Variants in KANK1 observed in about 807,000 individuals in gnomAD.
KANK1 encodes the protein KN motif and ankyrin repeat domains 1.
Under a neutral mutation model 106.2 loss-of-function variants are expected in KANK1, and 109 were observed. The observed-to-expected ratio is 1.03, with a 90% CI of 0.88 to 1.20. The LOEUF (loss-of-function observed/expected upper bound fraction) is 1.20, where lower values mean the gene tolerates loss of function less well. Ranked by LOEUF, KANK1 falls within the 50% of genes most tolerant of loss-of-function variation. The pLI is 0.00. For synonymous variants in KANK1, 873 were observed against 652.2 expected, an observed-to-expected ratio of 1.34 and a Z score of -5.16; for missense variants, 2,399 against 1,710.7, an observed-to-expected ratio of 1.40 and a Z score of -7.10.
chr9:697,014 C>T (rs1476067195), intron 2 of KANK1, among the ~76,000 whole-genome samples: 2 of 152,236 alleles, frequency 1.3e-5, no homozygotes, highest in Middle Eastern at 3.4e-3. Flanking sequence ...AAAGAGCTCT[C>T]ATGTCTTCCT....
At chr9:695,514 C>G (rs1469523133) in intron 2 of KANK1, among the ~76,000 whole-genome samples, 1 of 152,072 alleles carries the variant, frequency 6.6e-6, no homozygotes, top group African/African-American at 2.4e-5. Context: ...CCTTCATACA[C>G]TCTTAAGAAG....
intron 2 of KANK1, among the ~76,000 whole-genome samples, chr9:706,568 C>CTTT (rs71314729): frequency 0.17 from 23,755 of 137,592 alleles, 2,402 homozygotes; most frequent in Non-Finnish European, 0.23. Flanking sequence ...CTGTATGTGG[C>CTTT]TTTTTTTTTT....
At chr9:599,821 T>C (rs1174313958) in intron 1 of KANK1, among the ~76,000 whole-genome samples, 1 of 151,900 alleles carries the variant, frequency 6.6e-6, no homozygotes, top group Non-Finnish European at 1.5e-5. Flanking sequence ...ATTTGGGTAT[T>C]TGCAGGCAGT....
chr9:630,988 A>G (rs1226943912), intron 1 of KANK1, among the ~76,000 whole-genome samples: 1 of 152,140 alleles, frequency 6.6e-6, no homozygotes, highest in Non-Finnish European at 1.5e-5. Context: ...TGCTTAGTCA[A>G]TATCTGGTTG....
At chr9:738,180 G>A (rs571711771) in intron 7 of KANK1, 105 bp from the exon 8 acceptor site, 13 of 895,166 alleles carry the variant, frequency 1.5e-5, no homozygotes, top group East Asian at 1.1e-4. Context: ...GATTCTAACT[G>A]CATATATATA....
intron 3 of KANK1, among the ~76,000 whole-genome samples, chr9:720,399 C>T (rs1188121305): frequency 7.9e-5 from 12 of 152,212 alleles, no homozygotes. Flanking sequence ...GGCTGGAGTG[C>T]AGTGGTGCAA....
intron 1 of KANK1, among the ~76,000 whole-genome samples, chr9:633,332 C>T (rs1291722518): frequency 6.6e-6 from 1 of 152,032 alleles, no homozygotes; most frequent in Non-Finnish European, 1.5e-5. Flanking sequence ...GTGGCGGGCG[C>T]CTGTAGTCCC....
intron 6 of KANK1, chr9:734,463 C>G (rs1298155714): frequency 5.3e-5 from 15 of 284,048 alleles, no homozygotes; most frequent in South Asian, 4.9e-4. Flanking sequence ...GTCAGGAGTT[C>G]AAAACCAGCC....
chr9:587,342 T>G (rs778527243), intron 1 of KANK1, among the ~76,000 whole-genome samples: 1 of 152,158 alleles, frequency 6.6e-6, no homozygotes, highest in Non-Finnish European at 1.5e-5. Context: ...CTCTGAAGAA[T>G]AAAAGTGAAT....
At chr9:727,322 ATT>A (rs113811286) in intron 3 of KANK1, among the ~76,000 whole-genome samples, 22 of 147,838 alleles carry the variant, frequency 1.5e-4, no homozygotes, top group African/African-American at 4.0e-4. Flanking sequence ...ATCCAAGGAA[ATT>A]TTTTTTTTTT....
intron 1 of KANK1, among the ~76,000 whole-genome samples, chr9:611,259 A>G (rs1181537435): frequency 6.6e-6 from 1 of 152,212 alleles, no homozygotes; most frequent in African/African-American, 2.4e-5. Flanking sequence ...AGAATCTTTT[A>G]GTAAGTCACA....
chr9:572,714 A>AG (rs1001986418), intron 1 of KANK1, among the ~76,000 whole-genome samples: 6 of 152,140 alleles, frequency 3.9e-5, no homozygotes, highest in African/African-American at 1.4e-4. Flanking sequence ...GCTTTTTTGA[A>AG]GGACATGTGT....
chr9:598,153 C>T lies in KANK1; in HGVS notation c.-83-78737C>T, dbSNP rs1281290595. Among the ~76,000 whole-genome samples, 7 of 151,718 alleles carry T rather than the reference C, an allele frequency of 4.6e-5. No homozygotes were observed. The South Asian group carries it at 8.3e-4, about 18-fold the overall frequency. On this transcript the variant is annotated intron_variant, in intron 1 of 11. Coordinates refer to ENST00000382297, the MANE Select transcript of KANK1 (RefSeq NM_015158.5). ...TCCCCATTTGAATGGTCTTTGTACCCTTGTTAAAAATCTATTGGCCATATA... is the reference window on the plus strand; with the variant it reads ...TCCCCATTTGAATGGTCTTTGTACCTTTGTTAAAAATCTATTGGCCATATA...
chr9:711,015 A>G lies in KANK1; in HGVS notation c.249A>G (p.Gln83=). 1.9e-6 allele frequency: 3 copies of G among 1,614,220 alleles called. No individual in the cohort carries two copies. Among genetic ancestry groups the G allele is most frequent in the South Asian group, 1.1e-5 (1 of 91,086 alleles). The change falls in exon 3 of 12, where the codon CAA becomes CAG. Residue 83 remains glutamine, a synonymous_variant. Coordinates refer to ENST00000382297, the MANE Select transcript of KANK1 (RefSeq NM_015158.5). ...AACCCAGGACCACATCTGGTCAGCAAGGTATATGGACTTCCACTGAATCCC... is the reference window on the plus strand; with the variant it reads ...AACCCAGGACCACATCTGGTCAGCAGGGTATATGGACTTCCACTGAATCCC... ...CPEPRTTSGQ[Q]GIWTSTESLS... is the part of the protein sequence containing the mutation.
chr9:671,163 C>A (rs186864637), intron 1 of KANK1, among the ~76,000 whole-genome samples: 2 of 151,484 alleles, frequency 1.3e-5, no homozygotes, highest in South Asian at 2.1e-4. Context: ...CAGTATCCTG[C>A]CTTAGTTTTT....
At chr9:740,984 C>G in intron 9 of KANK1, 50 bp downstream of exon 9, 1 of 1,602,586 alleles carries the variant, frequency 6.2e-7, no homozygotes. Flanking sequence ...AACCAGCAGA[C>G]AGGACTGCGG....
chr9:571,563 A>AT (rs1030731261), intron 1 of KANK1, among the ~76,000 whole-genome samples: 4 of 147,940 alleles, frequency 2.7e-5, no homozygotes, highest in Non-Finnish European at 3.0e-5. Context: ...TCACTTCTAA[A>AT]TAAAAAAAAA....
intron 1 of KANK1, among the ~76,000 whole-genome samples, chr9:658,887 A>C (rs567470328): frequency 5.3e-5 from 8 of 152,098 alleles, no homozygotes; most frequent in African/African-American, 1.9e-4. Flanking sequence ...CTTATCCTTC[A>C]GGTCTTAGTT....
intron 1 of KANK1, among the ~76,000 whole-genome samples, chr9:614,684 C>T (rs907928087): frequency 3.3e-5 from 5 of 152,136 alleles, no homozygotes; most frequent in South Asian, 2.1e-4. Flanking sequence ...TTTCCGTGTG[C>T]CTCCTGGGGT....
Sources: allele counts gnomAD v4.1 joint callset (sites outside exome capture counted in the v4.1 genomes callset), GRCh38; gene constraint gnomAD v4.1.1; transcripts MANE v1.5; gene names NCBI Gene and HGNC (gene_info 2026-07-23, HGNC 2026-07-21).